Variants in AUTS2 observed in about 807,000 individuals in gnomAD.
AUTS2 encodes the protein activator of transcription and developmental regulator AUTS2, also known as autism susceptibility gene 2 protein.
Under a neutral mutation model 112.4 loss-of-function variants are expected in AUTS2, and 17 were observed. The ratio of observed to expected loss-of-function variants is 0.15; its 90% CI spans 0.10 to 0.23. AUTS2 has a LOEUF of 0.23. Among genes scored for constraint, AUTS2 ranks in the 10% least tolerant of loss-of-function variants. AUTS2 has a pLI of 1.00. For missense variants in AUTS2, 1,510 were observed against 1,701.6 expected (o/e 0.89, Z 1.98); for synonymous variants, 751 against 702.7 (o/e 1.07, Z -1.09).
At chr7:70,691,217 G>C (rs1340184357) in intron 5 of AUTS2, among the ~76,000 whole-genome samples, 1 of 152,034 alleles carries the variant, frequency 6.6e-6, no homozygotes, top group Non-Finnish European at 1.5e-5. Flanking sequence ...CCACATTCTT[G>C]CTCTCTGCTT....
intron 2 of AUTS2, among the ~76,000 whole-genome samples, chr7:70,099,350 C>T (rs1419806472): frequency 6.6e-6 from 1 of 152,140 alleles, no homozygotes; most frequent in Admixed American, 6.5e-5. Flanking sequence ...GAAATGTCAG[C>T]GTAGGTTAAA....
chr7:70,676,298 G>A (rs1807907857), intron 5 of AUTS2, among the ~76,000 whole-genome samples: 3 of 151,786 alleles, frequency 2.0e-5, no homozygotes. Context: ...CTGGTGGGGT[G>A]GTGCGTACCT....
chr7:70,145,953 A>AT (rs1410816724), intron 4 of AUTS2, among the ~76,000 whole-genome samples: 1 of 152,134 alleles, frequency 6.6e-6, no homozygotes, highest in Non-Finnish European at 1.5e-5. Context: ...GGTGCCAATT[A>AT]TTTCCTGCCT....
intron 5 of AUTS2, among the ~76,000 whole-genome samples, chr7:70,520,225 CT>C (rs1410717501): frequency 6.6e-6 from 1 of 152,174 alleles, no homozygotes; most frequent in East Asian, 1.9e-4. Flanking sequence ...CTCTTTCTCT[CT>C]GACACACATG....
chr7:69,957,827 G>A (rs187281373), intron 2 of AUTS2, among the ~76,000 whole-genome samples: 13 of 152,200 alleles, frequency 8.5e-5, no homozygotes, highest in Non-Finnish European at 1.6e-4. Flanking sequence ...CTGTGCCTTC[G>A]TGCAGGTTAT....
intron 5 of AUTS2, among the ~76,000 whole-genome samples, chr7:70,496,139 A>T (rs1798481967): frequency 7.7e-6 from 1 of 130,700 alleles, no homozygotes; most frequent in South Asian, 2.7e-4. Flanking sequence ...CATCGATCAC[A>T]CACCCCACTC....
chr7:70,664,171 C>T (rs1807215126), intron 5 of AUTS2, among the ~76,000 whole-genome samples: 1 of 152,158 alleles, frequency 6.6e-6, no homozygotes, highest in Non-Finnish European at 1.5e-5. Flanking sequence ...AGAAAGACCC[C>T]TGGAAACTTG....
At chr7:70,387,188 T>G (rs1040298952) in intron 4 of AUTS2, among the ~76,000 whole-genome samples, 2 of 152,206 alleles carry the variant, frequency 1.3e-5, no homozygotes, top group Non-Finnish European at 2.9e-5. Context: ...CTCTCTCTGT[T>G]GGTGCTTCTT....
intron 6 of AUTS2, among the ~76,000 whole-genome samples, chr7:70,743,497 G>A (rs1250955345): frequency 6.9e-6 from 1 of 144,358 alleles, no homozygotes. Flanking sequence ...AAAAAAACTA[G>A]TATGACACAA....
chr7:70,356,844 C>T (rs1792034765), intron 4 of AUTS2, among the ~76,000 whole-genome samples: 2 of 152,028 alleles, frequency 1.3e-5, no homozygotes, highest in Admixed American at 6.5e-5. Flanking sequence ...GTGGCCAAAA[C>T]TTCTGGATTT....
intron 5 of AUTS2, among the ~76,000 whole-genome samples, chr7:70,523,261 A>G (rs1309314185): frequency 6.6e-6 from 1 of 152,220 alleles, no homozygotes; most frequent in African/African-American, 2.4e-5. Context: ...GACTTGATCC[A>G]GGGATAGAAT....
chr7:70,323,660 A>G (rs1790357306), intron 4 of AUTS2, among the ~76,000 whole-genome samples: 1 of 152,244 alleles, frequency 6.6e-6, no homozygotes, highest in Non-Finnish European at 1.5e-5. Context: ...CGCAACTCAC[A>G]TATCTTATTT....
chr7:69,681,402 C>T (rs1264315354), intron 1 of AUTS2, among the ~76,000 whole-genome samples: 1 of 152,198 alleles, frequency 6.6e-6, no homozygotes, highest in Non-Finnish European at 1.5e-5. Flanking sequence ...GTCTTTTAAA[C>T]AGCCCCTTCC....
At chr7:70,266,316 T>C (rs1787419943) in intron 4 of AUTS2, among the ~76,000 whole-genome samples, 1 of 152,160 alleles carries the variant, frequency 6.6e-6, no homozygotes, top group Non-Finnish European at 1.5e-5. Flanking sequence ...ATTGTATGAG[T>C]ACATTTAGAT....
intron 5 of AUTS2, among the ~76,000 whole-genome samples, chr7:70,657,357 G>A (rs1806826909): frequency 6.6e-6 from 1 of 152,214 alleles, no homozygotes; most frequent in Admixed American, 6.5e-5. Flanking sequence ...AGAGTGAGCT[G>A]TAGAGTCTCT....
At chr7:70,016,376 AT>A (rs919123095) in intron 2 of AUTS2, among the ~76,000 whole-genome samples, 34 of 150,138 alleles carry the variant, frequency 2.3e-4, no homozygotes, top group South Asian at 4.3e-4. Context: ...CTTTTAAGTA[AT>A]TTTTTTTTTC....
intron 2 of AUTS2, among the ~76,000 whole-genome samples, chr7:70,101,565 C>T (rs1466818447): frequency 1.3e-5 from 2 of 152,106 alleles, no homozygotes; most frequent in East Asian, 3.9e-4. Context: ...CATGGTGGTG[C>T]ATGCTTGTAA....
chr7:70,331,581 GGCAAACCAAATCCA>G (rs1286217070), intron 4 of AUTS2, among the ~76,000 whole-genome samples: 1 of 145,606 alleles, frequency 6.9e-6, no homozygotes, highest in Admixed American at 7.0e-5. Flanking sequence ...GATCTATACT[GGCAAACCAAATCCA>G]GCAGCACATA....
At chr7:69,924,613 G>A (rs1012685585) in intron 2 of AUTS2, among the ~76,000 whole-genome samples, 2 of 150,582 alleles carry the variant, frequency 1.3e-5, no homozygotes, top group Admixed American at 6.6e-5. Context: ...GTGCAATGGC[G>A]CAAACTCAGC....
Sources: allele counts gnomAD v4.1 joint callset (sites outside exome capture counted in the v4.1 genomes callset), GRCh38; gene constraint gnomAD v4.1.1; transcripts MANE v1.5; gene names NCBI Gene and HGNC (gene_info 2026-07-23, HGNC 2026-07-21).